CPNE4: variants seen among roughly 807,000 people sequenced by gnomAD.
The protein encoded by CPNE4 is copine-4.
Under a neutral mutation model 67.9 loss-of-function variants are expected in CPNE4, and 25 were observed. That is an observed-to-expected ratio of 0.37 (90% CI 0.27 to 0.51). The LOEUF (loss-of-function observed/expected upper bound fraction) is 0.51, where lower values mean the gene tolerates loss of function less well. Ranked by LOEUF, CPNE4 falls within the 20% of genes least tolerant of loss-of-function variation. The pLI is 0.93. For missense variants in CPNE4, 464 were observed against 690.8 expected, an observed-to-expected ratio of 0.67 and a Z score of 3.68; for synonymous variants, 242 against 244.9, an observed-to-expected ratio of 0.99 and a Z score of 0.11.
intron 1 of CPNE4, among the ~76,000 whole-genome samples, chr3:131,946,391 G>A (rs2071553270): frequency 6.6e-6 from 1 of 152,070 alleles, no homozygotes; most frequent in African/African-American, 2.4e-5. Flanking sequence ...ATATTCCATT[G>A]TATGGATATA....
chr3:131,876,621 G>T (rs1156905456), intron 2 of CPNE4, among the ~76,000 whole-genome samples: 2 of 125,422 alleles, frequency 1.6e-5, no homozygotes, highest in African/African-American at 3.2e-5. Flanking sequence ...CAGCCTGGGC[G>T]ACAGAGCAAG....
At chr3:131,695,625 G>A (rs7433923) in intron 5 of CPNE4, among the ~76,000 whole-genome samples, 19,007 of 152,148 alleles carry the variant, frequency 0.12, 1,434 homozygotes, top group Middle Eastern at 0.23. Flanking sequence ...AGATGATGAA[G>A]GAGAAGGAGC....
intron 15 of CPNE4, among the ~76,000 whole-genome samples, chr3:131,539,178 C>T (rs578130187): frequency 6.6e-6 from 1 of 152,254 alleles, no homozygotes. Flanking sequence ...GATTTGAAAT[C>T]CATGAAGATA....
chr3:131,801,383 ATAT>A (rs551629719), intron 2 of CPNE4, among the ~76,000 whole-genome samples: 10 of 95,168 alleles, frequency 1.1e-4, no homozygotes, highest in African/African-American at 4.1e-4. Flanking sequence ...ATATATATAT[ATAT>A]GGTACATATA....
At chr3:131,814,027 G>A (rs1200339270) in intron 2 of CPNE4, among the ~76,000 whole-genome samples, 1 of 152,178 alleles carries the variant, frequency 6.6e-6, no homozygotes, top group African/African-American at 2.4e-5. Flanking sequence ...ATATGGTATA[G>A]GATCCAGTAG....
intron 1 of CPNE4, among the ~76,000 whole-genome samples, chr3:132,004,866 A>C (rs187636314): frequency 6.6e-6 from 1 of 152,172 alleles, no homozygotes; most frequent in Non-Finnish European, 1.5e-5. Context: ...CCATTACCTC[A>C]AATCCTTTCT....
intron 1 of CPNE4, among the ~76,000 whole-genome samples, chr3:132,024,389 G>T (rs1329848665): frequency 6.6e-6 from 1 of 152,070 alleles, no homozygotes; most frequent in Non-Finnish European, 1.5e-5. Context: ...CAGCCCTGGG[G>T]TCTTCAATAG....
At chr3:131,779,406 G>A (rs2083376857) in intron 2 of CPNE4, among the ~76,000 whole-genome samples, 1 of 151,928 alleles carries the variant, frequency 6.6e-6, no homozygotes, top group Non-Finnish European at 1.5e-5. Context: ...CAAAACTGGA[G>A]GCATCACCCT....
chr3:131,545,448 A>G (rs143132251), intron 14 of CPNE4, among the ~76,000 whole-genome samples: 16 of 152,308 alleles, frequency 1.1e-4, no homozygotes, highest in Admixed American at 2.6e-4. Flanking sequence ...AGTAAAATTT[A>G]TCATTTTTTC....
intron 2 of CPNE4, among the ~76,000 whole-genome samples, chr3:131,883,242 A>T (rs2087750705): frequency 6.6e-6 from 1 of 152,148 alleles, no homozygotes; most frequent in Non-Finnish European, 1.5e-5. Flanking sequence ...ATGCAACCTC[A>T]ATCTGGAAAC....
chr3:131,536,368 A>G (rs900296196), intron 15 of CPNE4, among the ~76,000 whole-genome samples: 9 of 152,218 alleles, frequency 5.9e-5, no homozygotes, highest in African/African-American at 1.9e-4. Context: ...TGGCTCTGGC[A>G]TTTAGTATTA....
chr3:131,686,156 C>G (rs1560114084), intron 5 of CPNE4, among the ~76,000 whole-genome samples, 198 bp from the exon 6 acceptor site: 1 of 152,150 alleles, frequency 6.6e-6, no homozygotes, highest in Non-Finnish European at 1.5e-5. Context: ...TGAGCCCCAC[C>G]CTTTCTTCCT....
chr3:131,956,427 A>G (rs1004823984), intron 1 of CPNE4, among the ~76,000 whole-genome samples: 3 of 152,200 alleles, frequency 2.0e-5, no homozygotes, highest in Admixed American at 1.3e-4. Flanking sequence ...GAGGTTTTCT[A>G]TAACTCCATC....
intron 10 of CPNE4, among the ~76,000 whole-genome samples, chr3:131,567,814 T>C (rs574468365): frequency 1.6e-4 from 24 of 152,064 alleles, no homozygotes; most frequent in South Asian, 8.3e-4. Flanking sequence ...TAATATATTT[T>C]GAAGATAATG....
intron 1 of CPNE4, among the ~76,000 whole-genome samples, chr3:131,924,570 A>G (rs1334448080): frequency 6.6e-6 from 1 of 152,190 alleles, no homozygotes; most frequent in Non-Finnish European, 1.5e-5. Flanking sequence ...TTTATCTCAG[A>G]TATTCTAATT....
Position 131,871,371 on chromosome 3 carries a change from G to A in CPNE4, c.180+33893C>T, listed in dbSNP as rs1387462195. Among the ~76,000 whole-genome samples the A allele has an allele frequency of 2.0e-5, 3 of 152,162 alleles. No homozygotes were observed. In the East Asian group the frequency reaches 5.8e-4, roughly 29 times the overall value. On this transcript the variant is annotated intron_variant, in intron 2 of 15. Transcript: ENST00000429747. Reference sequence around the variant, plus strand: ...AAGATATTCTAAGGATGACTGAGGAGTCTTCTTGGAGATCTTTAAGAATAG... The same window carrying A: ...AAGATATTCTAAGGATGACTGAGGAATCTTCTTGGAGATCTTTAAGAATAG...
intron 2 of CPNE4, among the ~76,000 whole-genome samples, chr3:131,790,387 G>T (rs1345449213): frequency 6.6e-6 from 1 of 152,048 alleles, no homozygotes; most frequent in East Asian, 1.9e-4. Flanking sequence ...TCTTTGTTCT[G>T]CAGGCCAATT....
intron 3 of CPNE4, among the ~76,000 whole-genome samples, chr3:131,710,141 A>G (rs2081522875): frequency 6.6e-6 from 1 of 152,238 alleles, no homozygotes; most frequent in South Asian, 2.1e-4. Flanking sequence ...TGAATAAGTG[A>G]GTACATGTAT....
chr3:131,608,616 C>A (rs766719209), intron 7 of CPNE4, among the ~76,000 whole-genome samples: 1 of 151,804 alleles, frequency 6.6e-6, no homozygotes, highest in East Asian at 1.9e-4. Context: ...AATCAACTGG[C>A]CTTAAGGAAA....
Sources: gnomAD v4.1 joint callset for allele counts (sites outside exome capture counted in the v4.1 genomes callset) on GRCh38, gnomAD v4.1.1 for gene constraint, MANE v1.5 for transcripts, NCBI Gene and HGNC (gene_info 2026-07-23, HGNC 2026-07-21) for gene names.